Variants in RPS24 observed in about 807,000 individuals in gnomAD.
RPS24 encodes the protein small ribosomal subunit protein eS24.
For synonymous variants in RPS24, 72 were observed against 55.6 expected, an observed-to-expected ratio of 1.30 and a Z score of -1.31; for missense variants, 100 against 162.5, an observed-to-expected ratio of 0.62 and a Z score of 2.09.
chr10:78,034,289 G>A, intron 1 of RPS24: 1 of 332,570 alleles, frequency 3.0e-6, no homozygotes, highest in South Asian at 4.3e-5. Flanking sequence ...AGGTGAAGAA[G>A]GTGCGGGCAG....
chr10:78,044,119 G>T (rs1487123824), downstream of RPS24, among the ~76,000 whole-genome samples: 1 of 152,128 alleles, frequency 6.6e-6, no homozygotes, highest in Non-Finnish European at 1.5e-5. Flanking sequence ...CAACAAACTT[G>T]GTGTAGATAG....
At chr10:78,045,895 A>G (rs1169103020) in intron 4 of RPS24, among the ~76,000 whole-genome samples, 2 of 151,784 alleles carry the variant, frequency 1.3e-5, no homozygotes, top group Non-Finnish European at 2.9e-5. Flanking sequence ...TCAATTACTC[A>G]GGAGGTGGAG....
chr10:78,042,368 T>A (rs1239885287), downstream of RPS24, among the ~76,000 whole-genome samples: 1 of 152,180 alleles, frequency 6.6e-6, no homozygotes, highest in Admixed American at 6.5e-5. Flanking sequence ...TAGGGTTAAT[T>A]TGTCTTTTAA....
At chr10:78,039,994 C>T in intron 4 of RPS24, 1 of 650,140 alleles carries the variant, frequency 1.5e-6, no homozygotes, top group Non-Finnish European at 2.8e-6. Flanking sequence ...CTACAGTAAT[C>T]AGGCAAGGCA....
chr10:78,054,675 T>G, exon 5 of RPS24: 1 of 1,551,656 alleles, frequency 6.4e-7, no homozygotes, highest in East Asian at 2.4e-5. Flanking sequence ...CGTGTGGACA[T>G]GTGGCAGATT....
chr10:78,050,993 C>T (rs1393337270), intron 4 of RPS24, among the ~76,000 whole-genome samples: 1 of 152,160 alleles, frequency 6.6e-6, no homozygotes, highest in Non-Finnish European at 1.5e-5. Flanking sequence ...GCGTTCGAGA[C>T]CAGCATGGCC....
downstream of RPS24, among the ~76,000 whole-genome samples, chr10:78,041,383 G>C (rs892362413): frequency 5.3e-5 from 8 of 152,202 alleles, no homozygotes; most frequent in Non-Finnish European, 1.2e-4. Context: ...CTGCTGGCCA[G>C]GGGGTGGTTG....
intron 4 of RPS24, 137 bp downstream of exon 4, chr10:78,037,441 G>C: frequency 7.2e-7 from 1 of 1,390,720 alleles, no homozygotes; most frequent in Non-Finnish European, 9.6e-7. Context: ...GATTACAGAA[G>C]GTAACATGTT....
chr10:78,037,909 T>TTTTTTTTTTTTTTTTTTTTTTTTTTC, intron 4 of RPS24: 1 of 852,270 alleles, frequency 1.2e-6, no homozygotes, highest in Non-Finnish European at 1.6e-6. Context: ...GAACTTTTTT[T>TTTTTTTTTTTTTTTTTTTTTTTTTTC]TTTTTTTTTT....
chr10:78,037,401 T>G, intron 4 of RPS24, 97 bp downstream of exon 4: 1 of 1,487,722 alleles, frequency 6.7e-7, no homozygotes, highest in East Asian at 2.5e-5. Flanking sequence ...ATAACTTTTC[T>G]TAATGTTTCT....
At chr10:78,040,745 G>A, downstream of RPS24, 2 of 1,375,246 alleles carry the variant, frequency 1.5e-6, no homozygotes, top group East Asian at 4.7e-5. Flanking sequence ...GGACTGCTAG[G>A]AGGTTAGTCT....
At position 78,035,524 on chromosome 10, in the gene RPS24, T is replaced by G; in HGVS notation, c.83T>G (p.Leu28Arg). The change falls in exon 3 of 6, where the codon CTT becomes CGT. Residue 28 changes from leucine (L) to arginine (R), a missense_variant. Transcript: ENST00000372360. ...LQRKQMVIDV[L>R]HPGKATVPKT... ...ATCTCCTTTTAGGTCATTGATGTCC[T>G]TCACCCCGGGAAGGCGACAGTGCCT... is the stretch of plus-strand genomic sequence containing the variant. 6.2e-7 allele frequency: 1 copy of G among 1,614,160 alleles called. No individual in the cohort carries two copies. Among genetic ancestry groups the G allele is most frequent in the East Asian group, 2.2e-5 (1 of 44,882 alleles).
At chr10:78,042,324 A>G, downstream of RPS24, among the ~76,000 whole-genome samples, 1 of 152,074 alleles carries the variant, frequency 6.6e-6, no homozygotes, top group East Asian at 1.9e-4. Flanking sequence ...TAGTCCATCC[A>G]AGTGTTTTTT....
At chr10:78,047,362 G>A (rs563403707) in intron 4 of RPS24, among the ~76,000 whole-genome samples, 2 of 152,284 alleles carry the variant, frequency 1.3e-5, no homozygotes, top group South Asian at 2.1e-4. Context: ...TCCAGAGGGG[G>A]ACAGCTGTGG....
chr10:78,051,405 C>T (rs1226693524), intron 4 of RPS24, among the ~76,000 whole-genome samples: 1 of 152,242 alleles, frequency 6.6e-6, no homozygotes, highest in African/African-American at 2.4e-5. Context: ...TATGTCCACA[C>T]CGTAGCATGT....
In RPS24 at chr10:78,035,363, A is replaced by C; in HGVS notation, c.15A>C (p.Val5=). MNDT[V]TIRTRKFMTN... is the part of the protein sequence containing the mutation. ...GTTTATGTTTTCAGAACGACACCGT[A>C]ACTATCCGCACTAGAAAGTTCATGA... is the stretch of plus-strand genomic sequence containing the variant. Residue 5 remains valine (V), a synonymous_variant, in exon 2 of 6, where the codon GTA becomes GTC. Transcript: ENST00000372360. The C allele has an allele frequency of 6.2e-7, 1 of 1,614,162 alleles. No homozygotes were observed. Among genetic ancestry groups the C allele is most frequent in the South Asian group, 1.1e-5 (1 of 91,080 alleles).
At chr10:78,046,459 A>G (rs1032602035) in intron 4 of RPS24, among the ~76,000 whole-genome samples, 1 of 149,526 alleles carries the variant, frequency 6.7e-6, no homozygotes, top group African/African-American at 2.5e-5. Flanking sequence ...TCTGGGTTCA[A>G]GTGATTCTCC....
chr10:78,049,506 C>A (rs113649777), intron 4 of RPS24, among the ~76,000 whole-genome samples: 1 of 152,178 alleles, frequency 6.6e-6, no homozygotes, highest in Non-Finnish European at 1.5e-5. Flanking sequence ...TGCCCAGGAG[C>A]CTTCAGGGTT....
intron 5 of RPS24, 61 bp from the exon 6 acceptor site, chr10:78,040,554 T>G: frequency 8.0e-7 from 1 of 1,249,710 alleles, no homozygotes; most frequent in Non-Finnish European, 1.2e-6. Flanking sequence ...CTTTTGGAAT[T>G]GAAGACTTTA....
Sources: allele counts gnomAD v4.1 joint callset (sites outside exome capture counted in the v4.1 genomes callset), GRCh38; gene constraint gnomAD v4.1.1; transcripts MANE v1.5; gene names NCBI Gene and HGNC (gene_info 2026-07-23, HGNC 2026-07-21).